RPN1: variants seen among roughly 807,000 people sequenced by gnomAD.
RPN1 encodes dolichyl-diphosphooligosaccharide--protein glycosyltransferase subunit 1.
Under a neutral mutation model 55.5 loss-of-function variants are expected in RPN1, and 12 were observed. The observed-to-expected ratio is 0.22, with a 90% confidence interval of 0.14 to 0.35. The LOEUF (loss-of-function observed/expected upper bound fraction) is 0.35, where lower values mean the gene tolerates loss of function less well. Among genes scored for constraint, RPN1 ranks in the 10% least tolerant of loss-of-function variants. The probability of loss-of-function intolerance (pLI) is 1.00; values close to 1 mark genes in which losing one functional copy is unlikely to be tolerated. For missense variants in RPN1, 679 were observed against 761.3 expected (o/e 0.89, Z 1.27); for synonymous variants, 317 against 305.9 (o/e 1.04, Z -0.38).
At chr3:128,637,260 G>A (rs1310105512) in intron 3 of RPN1, among the ~76,000 whole-genome samples, 1 of 151,880 alleles carries the variant, frequency 6.6e-6, no homozygotes, top group Non-Finnish European at 1.5e-5. Flanking sequence ...ATTTTTTTAA[G>A]TACTCCACCA....
At chr3:128,636,747 C>A (rs185273948) in intron 3 of RPN1, among the ~76,000 whole-genome samples, 70 of 152,272 alleles carry the variant, frequency 4.6e-4, no homozygotes, top group Non-Finnish European at 7.6e-4. Flanking sequence ...TGAGGTCTCA[C>A]TATGTTGCCC....
chr3:128,626,669 T>C, intron 6 of RPN1, 64 bp downstream of exon 6: 1 of 1,424,450 alleles, frequency 7.0e-7, no homozygotes, highest in Non-Finnish European at 9.9e-7. Context: ...TAGGCTCTCC[T>C]TAGGGTACCA....
chr3:128,638,108 A>C lies in RPN1; in HGVS notation c.327-3T>G. ...GCTTGACTGTGAAGAATCTCCCACT[A>C]AAGGAAGAACAAGGCAAGAGAAGTA... is the stretch of plus-strand genomic sequence containing the variant. On this transcript the variant is annotated splice_region_variant and splice_polypyrimidine_tract_variant and intron_variant, in intron 2 of 9. Coordinates refer to ENST00000296255, the MANE Select transcript of RPN1 (RefSeq NM_002950.4). The C allele has an allele frequency of 6.2e-7, 1 of 1,608,770 alleles. No individual in the cohort carries two copies. Among genetic ancestry groups the C allele is most frequent in the Non-Finnish European group, 8.5e-7 (1 of 1,175,462 alleles).
chr3:128,630,250 T>C (rs1560022085), intron 4 of RPN1, 107 bp from the exon 5 acceptor site: 2 of 628,120 alleles, frequency 3.2e-6, no homozygotes, highest in Non-Finnish European at 5.3e-6. Context: ...TGGTACTACT[T>C]AATTAAAATA....
At chr3:128,620,810 G>A (rs929410733) in intron 9 of RPN1, among the ~76,000 whole-genome samples, 6 of 152,194 alleles carry the variant, frequency 3.9e-5, no homozygotes, top group Non-Finnish European at 7.3e-5. Flanking sequence ...CCGTTCTTAC[G>A]CCCTTGTGAA....
In RPN1 at chr3:128,622,166, T is replaced by C; in HGVS notation, c.1639A>G (p.Arg547Gly). The C allele has an allele frequency of 5.6e-6, 9 of 1,614,142 alleles. No individual in the cohort carries two copies. The highest frequency in any genetic ancestry group is 7.6e-6 in the Non-Finnish European group (9 of 1,179,990). ...ACTCTGTGACGCCCGACACTTACTCTGTCGCACAGATCAGAGCCCTCTGTC... is the reference window on the plus strand; with the variant it reads ...ACTCTGTGACGCCCGACACTTACTCCGTCGCACAGATCAGAGCCCTCTGTC... ...LKTEGSDLCD[R>G]VSEMQKLDAQ... The change falls in exon 9 of 10, where the codon AGA becomes GGA. Residue 547 changes from arginine (R) to glycine (G), a missense_variant and splice_region_variant. Physicochemically the swap from Arg to Gly is moderately radical, Grantham distance 125. Coordinates refer to ENST00000296255, the MANE Select transcript of RPN1 (RefSeq NM_002950.4).
chr3:128,624,033 C>T (rs186959883), intron 8 of RPN1, among the ~76,000 whole-genome samples: 7 of 151,974 alleles, frequency 4.6e-5, no homozygotes, highest in African/African-American at 1.7e-4. Context: ...AGTTATTCCT[C>T]GAGCCCCCGC....
intron 2 of RPN1, chr3:128,644,403 G>A (rs1308814353): frequency 3.5e-6 from 1 of 281,920 alleles, no homozygotes; most frequent in African/African-American, 2.2e-5. Flanking sequence ...ATAATCCTAG[G>A]ACTCTGGGAG....
chr3:128,644,860 T>C, intron 2 of RPN1, 59 bp downstream of exon 2: 1 of 975,922 alleles, frequency 1.0e-6, no homozygotes, highest in Non-Finnish European at 1.7e-6. Flanking sequence ...TGATCCCATA[T>C]GATCCCAACC....
At position 128,650,607 on chromosome 3, in the gene RPN1, C is replaced by A. The variant is rs376842979; in HGVS notation, c.194G>T (p.Arg65Leu). The A allele has an allele frequency of 7.1e-6, 11 of 1,550,494 alleles. No homozygotes were observed. The highest frequency in any genetic ancestry group is 1.2e-5 in the South Asian group (1 of 84,066). The part of the protein sequence containing the change: ...LAHLGGGSTS[R>L]ATSFLLALEP... ...CAAAGCCAGCAGGAAAGAGGTAGCT[C>A]GGGACGTGGAGCCGCCGCCCAGGTG... The change falls in exon 1 of 10, where the codon CGA becomes CTA. Residue 65 changes from arginine (R) to leucine (L), a missense_variant. Arg to Leu is a moderately radical substitution (Grantham distance 102). Transcript: ENST00000296255.
chr3:128,632,077 G>A lies in RPN1; in HGVS notation c.714C>T (p.His238=), dbSNP rs145116055. The change falls in exon 4 of 10, where the codon CAC becomes CAT. Residue 238 remains histidine (H), a synonymous_variant. Coordinates refer to ENST00000296255, the MANE Select transcript of RPN1 (RefSeq NM_002950.4). The part of the protein sequence containing the change: ...TSMTRVIEVS[H]WGNIAVEENV... ...TTTCTTCCACAGCAATATTACCCCA[G>A]TGAGAGACTTCAATGACTCGGGTCA... 4 of 1,614,076 alleles carry A rather than the reference G, an allele frequency of 2.5e-6. No homozygotes were observed. The African/African-American group carries it at 5.3e-5, about 22-fold the overall frequency.
At position 128,622,415 on chromosome 3, in the gene RPN1, G is replaced by A; in HGVS notation, c.1396-6C>T. 1 of 1,613,968 alleles carries A rather than the reference G, an allele frequency of 6.2e-7. No individual in the cohort carries two copies. The highest frequency in any genetic ancestry group is 8.5e-7 in the Non-Finnish European group (1 of 1,179,972). On this transcript the variant is annotated splice_polypyrimidine_tract_variant and splice_region_variant and intron_variant, in intron 8 of 9. Transcript: ENST00000296255. ...CTGGCTTCTGCGGCTGGATCCTGAA[G>A]GAAGGAGAGGCACCATGTGTGACAA...
chr3:128,622,627 G>A (rs1461195224), intron 8 of RPN1, among the ~76,000 whole-genome samples: 2 of 152,172 alleles, frequency 1.3e-5, no homozygotes, highest in East Asian at 3.9e-4. Context: ...GGGCCTGGTG[G>A]CTCACGCCTG....
rs145254982 is a variant in RPN1, at chr3:128,629,729, TAAG to T, written c.1036+219_1036+221del. Among the ~76,000 whole-genome samples, 106 of 152,324 alleles carry T rather than the reference TAAG, an allele frequency of 7.0e-4. No homozygotes were observed. The East Asian group carries it at 9.6e-3, about 14-fold the overall frequency. ...TTCCATCTGATGACAGAACTGCAAG[TAAG>T]AAGAAGACTTTTACATACTGTTCGG... On this transcript the variant is annotated intron_variant, in intron 5 of 9. Coordinates refer to ENST00000296255, the MANE Select transcript of RPN1 (RefSeq NM_002950.4).
chr3:128,642,793 G>A (rs962570305), intron 2 of RPN1, among the ~76,000 whole-genome samples: 4 of 151,972 alleles, frequency 2.6e-5, no homozygotes, highest in Admixed American at 1.3e-4. Flanking sequence ...AGGCCGAGGC[G>A]GGTGCATCAC....
chr3:128,622,828 C>T (rs902155655), intron 8 of RPN1, among the ~76,000 whole-genome samples: 4 of 148,548 alleles, frequency 2.7e-5, no homozygotes, highest in Admixed American at 1.4e-4. Context: ...ACCCAGGAGG[C>T]GGAGGTTGCA....
In RPN1 at chr3:128,620,593, C is replaced by T. The variant is rs552090023; in HGVS notation, c.1642G>A (p.Val548Met). Residue 548 changes from valine to methionine, a missense_variant and splice_region_variant, in exon 10 of 10, where the codon GTG becomes ATG. Transcript: ENST00000296255. Reference protein sequence around the residue: ...KTEGSDLCDRVSEMQKLDAQV... With the variant: ...KTEGSDLCDRMSEMQKLDAQV... ...GCATCCAGCTTCTGCATTTCGCTCA[C>T]CTGGCCGAGGCAAGAGCAGGGCAGG... The T allele has an allele frequency of 6.1e-5, 99 of 1,612,836 alleles. No homozygotes were observed. In the South Asian group the frequency reaches 7.3e-4, roughly 12 times the overall value.
intron 9 of RPN1, 135 bp downstream of exon 9, chr3:128,622,029 A>T: frequency 1.1e-6 from 1 of 871,822 alleles, no homozygotes; most frequent in Non-Finnish European, 1.8e-6. Context: ...GCACCACATG[A>T]AAAGTTATGG....
chr3:128,644,646 C>T, intron 2 of RPN1: 1 of 575,882 alleles, frequency 1.7e-6, no homozygotes, highest in Admixed American at 2.3e-5. Flanking sequence ...GGCAACAGAC[C>T]CTGTCTCAAG....
Sources: gnomAD v4.1 joint callset for allele counts (sites outside exome capture counted in the v4.1 genomes callset) on GRCh38, gnomAD v4.1.1 for gene constraint, MANE v1.5 for transcripts, NCBI Gene and HGNC (gene_info 2026-07-23, HGNC 2026-07-21) for gene names.